Variants in PKHD1L1 observed in about 807,000 individuals in gnomAD.
PKHD1L1 encodes PKHD1 like 1.
PKHD1L1 carries 434 observed loss-of-function variants against 462.9 expected under a neutral mutation model. The observed-to-expected ratio is 0.94, with a 90% CI of 0.87 to 1.02. PKHD1L1 has a LOEUF of 1.02. Ranked by LOEUF, PKHD1L1 falls within the 50% of genes least tolerant of loss-of-function variation. The pLI is 0.00. For synonymous variants in PKHD1L1, 1,781 were observed against 1,750.0 expected, an observed-to-expected ratio of 1.02 and a Z score of -0.44; for missense variants, 5,202 against 5,096.1, an observed-to-expected ratio of 1.02 and a Z score of -0.63.
chr8:109,467,399 T>G (rs1016015385), intron 50 of PKHD1L1, among the ~76,000 whole-genome samples: 1 of 35,854 alleles, frequency 2.8e-5, no homozygotes, highest in Non-Finnish European at 5.7e-5. Flanking sequence ...CCCGCCCCCC[T>G]TCCCCCCACT....
chr8:109,479,922 C>G, intron 54 of PKHD1L1, 69 bp from the exon 55 acceptor site: 1 of 1,391,902 alleles, frequency 7.2e-7, no homozygotes, highest in Non-Finnish European at 9.6e-7. Flanking sequence ...CACTGATAAG[C>G]TTGTCAATGT....
intron 49 of PKHD1L1, 150 bp downstream of exon 49, chr8:109,465,395 A>G (rs1195355996): frequency 8.3e-6 from 7 of 844,530 alleles, no homozygotes; most frequent in East Asian, 8.1e-5. Context: ...GGCAAGCACC[A>G]GGCACAGATG....
At chr8:109,365,031 G>A (rs1352288081) in intron 2 of PKHD1L1, among the ~76,000 whole-genome samples, 1 of 152,174 alleles carries the variant, frequency 6.6e-6, no homozygotes, top group Non-Finnish European at 1.5e-5. Flanking sequence ...GAAATAATAT[G>A]TTAATGAAAG....
chr8:109,481,469 T>C lies in PKHD1L1; in HGVS notation c.9364T>C (p.Phe3122Leu), dbSNP rs1818270831. The change falls in exon 56 of 78, where the codon TTT becomes CTT. Residue 3122 changes from phenylalanine (F) to leucine (L), a missense_variant. Around this residue, in one of 3 missense-constraint regions of PKHD1L1, gnomAD observed 4,497 missense variants for 4,336.8 expected, o/e 1.04. Coordinates refer to ENST00000378402, the MANE Select transcript of PKHD1L1 (RefSeq NM_177531.6). The part of the protein sequence containing the change: ...RLIGGWEDNP[F>L]KGDLKIVLRG... ...AATCGGTGGCTGGGAAGATAACCCT[T>C]TTAAAGGAGACTTAAAGATTGTTCT... 1 of 1,600,254 alleles carries C rather than the reference T, an allele frequency of 6.2e-7. No homozygotes were observed. Among genetic ancestry groups the C allele is most frequent in the East Asian group, 2.3e-5 (1 of 44,438 alleles).
intron 54 of PKHD1L1, 93 bp from the exon 55 acceptor site, chr8:109,479,897 CT>C: frequency 8.1e-7 from 1 of 1,234,564 alleles, no homozygotes; most frequent in South Asian, 1.7e-5. Flanking sequence ...GTCATAAACA[CT>C]CAAAACTAGG....
rs1308413954 is a variant in PKHD1L1, at chr8:109,475,118, G to T, written c.8606G>T (p.Gly2869Val). 1 of 1,605,504 alleles carries T rather than the reference G, an allele frequency of 6.2e-7. No individual in the cohort carries two copies. The highest frequency in any genetic ancestry group is 8.5e-7 in the Non-Finnish European group (1 of 1,176,540). The change falls in exon 51 of 78, where the codon GGC becomes GTC. Residue 2869 changes from glycine to valine, a missense_variant and splice_region_variant. Physicochemically the swap from Gly to Val is moderately radical, Grantham distance 109. Around this residue, in one of 3 missense-constraint regions of PKHD1L1, gnomAD observed 4,497 missense variants for 4,336.8 expected, o/e 1.04. Coordinates refer to ENST00000378402, the MANE Select transcript of PKHD1L1 (RefSeq NM_177531.6). ...EKDVVLSDSFGTSIIPFQKKR... is the reference protein window; with the variant it reads ...EKDVVLSDSFVTSIIPFQKKR... ...TTTCTTGTTCTATGTTCTCCTATAG[G>T]CACAAGCATTATTCCATTTCAGAAG...
intron 58 of PKHD1L1, among the ~76,000 whole-genome samples, chr8:109,486,026 C>A (rs187553957): frequency 2.0e-5 from 3 of 152,012 alleles, no homozygotes; most frequent in African/African-American, 7.2e-5. Context: ...GTTTGAAATG[C>A]ACCTGCTTGT....
chr8:109,459,583 A>G lies in PKHD1L1; in HGVS notation c.7005-12A>G. 6.7e-6 allele frequency: 10 copies of G among 1,488,702 alleles called. No homozygotes were observed. The highest frequency in any genetic ancestry group is 8.9e-6 in the Non-Finnish European group (10 of 1,118,926). The allele number at this position is 1,488,702 out of a possible 1,614,324, so 92.2% of individuals were successfully genotyped here. A position where few individuals can be genotyped will look rare whatever the true frequency, so the allele number is the denominator to read the frequency against. ...TATTAATTTTAAAATTTTTTTGTCA[A>G]AATTTTTACAGACACAGTCAAGGAG... On this transcript the variant is annotated splice_polypyrimidine_tract_variant and intron_variant, in intron 46 of 77. Transcript: ENST00000378402.
In PKHD1L1 at chr8:109,522,733, T is replaced by A. The variant is rs752654032; in HGVS notation, c.12184-11T>A. On this transcript the variant is annotated splice_polypyrimidine_tract_variant and intron_variant, in intron 74 of 77. Transcript: ENST00000378402. ...CATGAAGAAACCAGTTCATCCCTTGTGCATTCACAGGTGACTGCCCAGCCA... is the reference window on the plus strand; with the variant it reads ...CATGAAGAAACCAGTTCATCCCTTGAGCATTCACAGGTGACTGCCCAGCCA... The A allele has an allele frequency of 6.9e-6, 11 of 1,602,548 alleles. No individual in the cohort carries two copies. Among genetic ancestry groups the A allele is most frequent in the Middle Eastern group, 3.3e-4 (2 of 6,028 alleles).
At chr8:109,398,595 AG>A in intron 12 of PKHD1L1, 47 bp downstream of exon 12, 1 of 742,012 alleles carries the variant, frequency 1.3e-6, no homozygotes, top group Non-Finnish European at 2.0e-6. Flanking sequence ...TCACATAAAA[AG>A]AATATATTAG....
At chr8:109,422,915 G>C (rs1814548002) in intron 23 of PKHD1L1, among the ~76,000 whole-genome samples, 1 of 152,174 alleles carries the variant, frequency 6.6e-6, no homozygotes, top group Non-Finnish European at 1.5e-5. Flanking sequence ...CGTTCTGGTA[G>C]GGTGTGTAAC....
chr8:109,364,645 G>GGT lies in PKHD1L1; in HGVS notation c.163+9_163+10insGT. On this transcript the variant is annotated intron_variant, in intron 2 of 77. Coordinates refer to ENST00000378402, the MANE Select transcript of PKHD1L1 (RefSeq NM_177531.6). ...GACTATAAGAGGGGAAGGTATCGTT[G>GGT]CTTTTTTTTTTTTTTTTTTGCCAAG... is the stretch of plus-strand genomic sequence containing the variant. 3 of 1,201,106 alleles carry GGT rather than the reference G, an allele frequency of 2.5e-6. No homozygotes were observed. Among genetic ancestry groups the GGT allele is most frequent in the Non-Finnish European group, 2.2e-6 (2 of 914,130 alleles). 74.4% of individuals were successfully genotyped at this position (1,201,106 alleles called of 1,614,324 possible).
In PKHD1L1 at chr8:109,507,055, G is replaced by A. The variant is rs373576528; in HGVS notation, c.10995-608G>A. 1.8e-4 allele frequency among the ~76,000 whole-genome samples: 28 copies of A among 152,138 alleles called. No individual in the cohort carries two copies. In the South Asian group the frequency reaches 2.5e-3, roughly 14 times the overall value. On this transcript the variant is annotated intron_variant, in intron 68 of 77. Coordinates refer to ENST00000378402, the MANE Select transcript of PKHD1L1 (RefSeq NM_177531.6). ...TATAGAATGGTTACTAAAATATGTAGCATAATAAACACAATCCAAGTTTAT... is the reference window on the plus strand; with the variant it reads ...TATAGAATGGTTACTAAAATATGTAACATAATAAACACAATCCAAGTTTAT...
intron 65 of PKHD1L1, 119 bp downstream of exon 65, chr8:109,497,391 C>CTGCCTT (rs1444487714): frequency 1.6e-6 from 2 of 1,232,964 alleles, no homozygotes; most frequent in East Asian, 5.0e-5. Context: ...CCACACCTCC[C>CTGCCTT]TGCCTTTGTT....
At chr8:109,426,302 A>C (rs546850316) in intron 24 of PKHD1L1, among the ~76,000 whole-genome samples, 1 of 152,052 alleles carries the variant, frequency 6.6e-6, no homozygotes, top group Non-Finnish European at 1.5e-5. Context: ...TCATTTTAAC[A>C]CTCAATATAT....
intron 65 of PKHD1L1, 59 bp downstream of exon 65, chr8:109,497,331 T>A (rs1819148597): frequency 1.9e-6 from 3 of 1,550,564 alleles, no homozygotes; most frequent in Non-Finnish European, 2.6e-6. Context: ...AGGGTGGAAT[T>A]TCTGAAGGAC....
At chr8:109,506,913 A>G (rs778189949) in intron 68 of PKHD1L1, among the ~76,000 whole-genome samples, 1 of 152,178 alleles carries the variant, frequency 6.6e-6, no homozygotes, top group Non-Finnish European at 1.5e-5. Context: ...TTAAGTAGCT[A>G]TTTTATTATT....
chr8:109,455,971 C>T (rs1315194151), intron 45 of PKHD1L1, among the ~76,000 whole-genome samples: 2 of 152,088 alleles, frequency 1.3e-5, no homozygotes, highest in African/African-American at 2.4e-5. Context: ...TATTATCACA[C>T]CCCATTTACA....
chr8:109,388,893 T>C (rs1185534970), intron 7 of PKHD1L1, among the ~76,000 whole-genome samples, 186 bp from the exon 8 acceptor site: 1 of 152,202 alleles, frequency 6.6e-6, no homozygotes, highest in Non-Finnish European at 1.5e-5. Context: ...TATTGTTGTA[T>C]AAAATTTTAT....
Sources: allele counts gnomAD v4.1 joint callset (sites outside exome capture counted in the v4.1 genomes callset), GRCh38; gene constraint gnomAD v4.1.1; regional missense constraint gnomAD v4.1.1; transcripts MANE v1.5; gene names NCBI Gene and HGNC (gene_info 2026-07-23, HGNC 2026-07-21).